LSAMP: variants seen among roughly 807,000 people sequenced by gnomAD.
LSAMP encodes the protein limbic system associated membrane protein.
Under a neutral mutation model 38.6 loss-of-function variants are expected in LSAMP, and 7 were observed. The observed-to-expected ratio is 0.18, with a 90% CI of 0.10 to 0.34. The LOEUF (loss-of-function observed/expected upper bound fraction) is 0.34, where lower values mean the gene tolerates loss of function less well. Among genes scored for constraint, LSAMP ranks in the 10% least tolerant of loss-of-function variants. The pLI is 1.00. For missense variants in LSAMP, 313 were observed against 420.0 expected (o/e 0.75, Z 2.23); for synonymous variants, 154 against 166.8 (o/e 0.92, Z 0.59).
intron 2 of LSAMP, among the ~76,000 whole-genome samples, chr3:116,047,691 C>T (rs904163719): frequency 1.3e-5 from 2 of 152,176 alleles, no homozygotes; most frequent in Non-Finnish European, 2.9e-5. Flanking sequence ...CATTTCCCCT[C>T]TGTGTGCCAA....
intron 1 of LSAMP, among the ~76,000 whole-genome samples, chr3:116,258,806 C>T (rs1009469832): frequency 2.0e-5 from 3 of 152,208 alleles, no homozygotes; most frequent in African/African-American, 2.4e-5. Context: ...TCTTATGATT[C>T]GTATAGTCAT....
chr3:116,394,597 T>C (rs977154821), intron 1 of LSAMP, among the ~76,000 whole-genome samples: 2 of 152,206 alleles, frequency 1.3e-5, no homozygotes, highest in Admixed American at 1.3e-4. Flanking sequence ...CCCCTCATTA[T>C]GCTCACTTTC....
intron 2 of LSAMP, among the ~76,000 whole-genome samples, chr3:116,050,147 A>G (rs1346146366): frequency 3.3e-5 from 5 of 152,058 alleles, no homozygotes; most frequent in Non-Finnish European, 5.9e-5. Flanking sequence ...CTGGGCATTT[A>G]TTTCCCTGAC....
intron 3 of LSAMP, among the ~76,000 whole-genome samples, chr3:115,935,389 G>C (rs549916724): frequency 6.6e-6 from 1 of 152,166 alleles, no homozygotes; most frequent in Non-Finnish European, 1.5e-5. Context: ...AGAGAGTCAA[G>C]TGGAATGAAC....
intron 1 of LSAMP, among the ~76,000 whole-genome samples, chr3:116,396,180 T>C (rs1276264824): frequency 6.6e-6 from 1 of 152,232 alleles, no homozygotes; most frequent in African/African-American, 2.4e-5. Context: ...ATTAATCTGT[T>C]ATTCACTAAC....
In LSAMP at chr3:115,872,770, C is replaced by T. The variant is rs992914332; in HGVS notation, c.515-20153G>A. On this transcript the variant is annotated intron_variant, in intron 3 of 6. Transcript: ENST00000490035. ...TTTAATCCCTGAACAAATGAGGTAG[C>T]TGAGGCTCATAGCTGTTAAGTATCT... is the stretch of plus-strand genomic sequence containing the variant. 8.5e-5 allele frequency among the ~76,000 whole-genome samples: 13 copies of T among 152,184 alleles called. No homozygotes were observed. In the South Asian group the frequency reaches 2.1e-3, roughly 24 times the overall value.
At chr3:115,948,964 C>A (rs1938194998) in intron 3 of LSAMP, among the ~76,000 whole-genome samples, 1 of 152,118 alleles carries the variant, frequency 6.6e-6, no homozygotes, top group Non-Finnish European at 1.5e-5. Context: ...AAAACCCCAT[C>A]TCTACAAAAA....
intron 2 of LSAMP, among the ~76,000 whole-genome samples, chr3:116,054,643 G>C (rs1941456385): frequency 6.6e-6 from 1 of 152,032 alleles, no homozygotes; most frequent in African/African-American, 2.4e-5. Context: ...ACACTGAATA[G>C]AATAAAGATT....
At chr3:116,048,913 G>A (rs921566058) in intron 2 of LSAMP, among the ~76,000 whole-genome samples, 1 of 152,114 alleles carries the variant, frequency 6.6e-6, no homozygotes, top group Admixed American at 6.6e-5. Context: ...AAGAAGACAT[G>A]CAATTAAAAA....
chr3:115,900,692 G>T (rs745609734), intron 3 of LSAMP, among the ~76,000 whole-genome samples: 4 of 152,080 alleles, frequency 2.6e-5, no homozygotes, highest in Non-Finnish European at 5.9e-5. Context: ...GAAGTTGGCT[G>T]CTCCATTTAT....
chr3:116,301,179 A>T (rs1434000347), intron 1 of LSAMP, among the ~76,000 whole-genome samples: 1 of 152,170 alleles, frequency 6.6e-6, no homozygotes, highest in Non-Finnish European at 1.5e-5. Flanking sequence ...ATGGAAATGA[A>T]AATCCAAAAA....
chr3:115,927,261 A>G (rs1937513930), intron 3 of LSAMP, among the ~76,000 whole-genome samples: 1 of 152,238 alleles, frequency 6.6e-6, no homozygotes, highest in African/African-American at 2.4e-5. Flanking sequence ...GAGACTTGGC[A>G]TAAAAGACAG....
At chr3:116,043,845 C>T (rs1941231383) in intron 2 of LSAMP, among the ~76,000 whole-genome samples, 1 of 152,188 alleles carries the variant, frequency 6.6e-6, no homozygotes, top group Admixed American at 6.5e-5. Context: ...ACTCCAGAGG[C>T]TGAGGCAGGA....
chr3:116,095,128 T>TCAGATTATTA (rs1235367468), intron 1 of LSAMP, among the ~76,000 whole-genome samples: 1 of 152,202 alleles, frequency 6.6e-6, no homozygotes, highest in Non-Finnish European at 1.5e-5. Context: ...TTACCCAGAC[T>TCAGATTATTA]CTCAGATCAA....
At chr3:116,123,117 C>G (rs1437823361) in intron 1 of LSAMP, among the ~76,000 whole-genome samples, 1 of 152,074 alleles carries the variant, frequency 6.6e-6, no homozygotes, top group East Asian at 1.9e-4. Flanking sequence ...ATGAAAATAT[C>G]AATAATAGGA....
At chr3:115,915,501 G>C (rs1044653109) in intron 3 of LSAMP, among the ~76,000 whole-genome samples, 11 of 152,170 alleles carry the variant, frequency 7.2e-5, no homozygotes, top group Admixed American at 6.5e-4. Flanking sequence ...GCAGTTAAAG[G>C]CTGGAATGAT....
intron 1 of LSAMP, among the ~76,000 whole-genome samples, chr3:116,090,245 A>C (rs1239933505): frequency 2.0e-5 from 3 of 152,002 alleles, no homozygotes; most frequent in Non-Finnish European, 2.9e-5. Context: ...AGAAAAGAAA[A>C]TATAGTAAAC....
intron 2 of LSAMP, among the ~76,000 whole-genome samples, chr3:116,068,971 T>C (rs1707530068): frequency 6.6e-6 from 1 of 152,208 alleles, no homozygotes; most frequent in Non-Finnish European, 1.5e-5. Context: ...TGCTTGTGGA[T>C]AGCAAGATCA....
chr3:116,432,057 C>T (rs1411853148), intron 1 of LSAMP, among the ~76,000 whole-genome samples: 1 of 151,878 alleles, frequency 6.6e-6, no homozygotes, highest in Non-Finnish European at 1.5e-5. Context: ...ATAATCTTAG[C>T]ACCTTGCATG....
Sources: allele counts gnomAD v4.1 joint callset (sites outside exome capture counted in the v4.1 genomes callset), GRCh38; gene constraint gnomAD v4.1.1; transcripts MANE v1.5; gene names NCBI Gene and HGNC (gene_info 2026-07-23, HGNC 2026-07-21).